Variants in SFXN5 observed in about 807,000 individuals in gnomAD.
The protein encoded by SFXN5 is sideroflexin-5.
A neutral mutation model predicts 50.2 loss-of-function variants in SFXN5; 43 were observed. The observed-to-expected ratio is 0.86, with a 90% confidence interval of 0.67 to 1.11. SFXN5 has a LOEUF of 1.11. Ranked by LOEUF, SFXN5 falls within the 50% of genes least tolerant of loss-of-function variation. The pLI is 0.00. For synonymous variants in SFXN5, 203 were observed against 185.8 expected, an observed-to-expected ratio of 1.09 and a Z score of -0.75; for missense variants, 463 against 454.1, an observed-to-expected ratio of 1.02 and a Z score of -0.18.
At chr2:73,033,058 G>T (rs1036237565) in intron 3 of SFXN5, among the ~76,000 whole-genome samples, 2 of 152,098 alleles carry the variant, frequency 1.3e-5, no homozygotes, top group Non-Finnish European at 2.9e-5. Flanking sequence ...TCCAGACCTG[G>T]GTTTAAATTC....
intron 1 of SFXN5, among the ~76,000 whole-genome samples, chr2:73,061,307 CAAAAAAAA>C (rs58591052): frequency 4.3e-4 from 31 of 71,722 alleles, no homozygotes; most frequent in South Asian, 3.3e-3. Flanking sequence ...GACTCTGTCT[CAAAAAAAA>C]AAAAAAAAAA....
intron 13 of SFXN5, among the ~76,000 whole-genome samples, chr2:72,959,610 C>CA (rs752627403): frequency 9.2e-5 from 14 of 152,152 alleles, no homozygotes; most frequent in Non-Finnish European, 2.1e-4. Flanking sequence ...ACCCTACCCC[C>CA]AGCAGCATTT....
At chr2:72,998,199 T>C (rs1213300088) in intron 9 of SFXN5, 1 of 151,754 alleles carries the variant, frequency 6.6e-6, no homozygotes, top group East Asian at 1.9e-4. Context: ...GCCATCCTAG[T>C]GGGGATCCAG....
chr2:73,042,890 A>G (rs1679833065), intron 2 of SFXN5, among the ~76,000 whole-genome samples: 1 of 151,124 alleles, frequency 6.6e-6, no homozygotes, highest in Admixed American at 6.6e-5. Flanking sequence ...TTGAGACAAA[A>G]CCCCATCTCT....
At chr2:73,055,568 G>A (rs1264122493) in intron 2 of SFXN5, among the ~76,000 whole-genome samples, 1 of 151,772 alleles carries the variant, frequency 6.6e-6, no homozygotes, top group African/African-American at 2.4e-5. Flanking sequence ...CTGGTAGGCT[G>A]AGAGGGGTGG....
chr2:73,065,801 C>T lies in SFXN5; in HGVS notation c.102+5803G>A, dbSNP rs972254617. On this transcript the variant is annotated intron_variant, in intron 1 of 13. Transcript: ENST00000272433. The stretch of plus-strand genomic sequence containing the variant: ...AACTCCTGTCATCAAGTGATCTGCC[C>T]GCCTTAGCCTCCCAAAGTGCTGGGA... Among the ~76,000 whole-genome samples, 9 of 152,060 alleles carry T rather than the reference C, an allele frequency of 5.9e-5. No individual in the cohort carries two copies. The South Asian group carries it at 6.2e-4, about 11-fold the overall frequency.
intron 6 of SFXN5, among the ~76,000 whole-genome samples, chr2:73,013,406 C>CGTGTGTGTGTGTGTGTGT (rs61590375): frequency 7.2e-6 from 1 of 139,718 alleles, no homozygotes; most frequent in African/African-American, 2.7e-5. Context: ...AGGGATATTT[C>CGTGTGTGTGTGTGTGTGT]GTGTGTGTGT....
chr2:73,069,075 T>TG (rs1559225787), intron 1 of SFXN5, among the ~76,000 whole-genome samples: 1 of 151,912 alleles, frequency 6.6e-6, no homozygotes. Context: ...GTCAGTGGGG[T>TG]GGGCCATGCA....
chr2:72,969,267 G>C (rs1674865860), intron 11 of SFXN5, among the ~76,000 whole-genome samples: 1 of 152,248 alleles, frequency 6.6e-6, no homozygotes, highest in Non-Finnish European at 1.5e-5. Flanking sequence ...AGTGTGCACA[G>C]GGGCTGGGGA....
intron 6 of SFXN5, among the ~76,000 whole-genome samples, chr2:73,010,276 G>A (rs1675332143): frequency 6.6e-6 from 1 of 152,196 alleles, no homozygotes; most frequent in African/African-American, 2.4e-5. Context: ...ATGTTGCATG[G>A]AAATTCCCAA....
intron 2 of SFXN5, among the ~76,000 whole-genome samples, chr2:73,045,646 A>G (rs1003248952): frequency 1.3e-5 from 2 of 151,986 alleles, no homozygotes; most frequent in African/African-American, 2.4e-5. Context: ...CACTGGGCCA[A>G]TCTTGCACCA....
At position 73,022,524 on chromosome 2, in the gene SFXN5, G is replaced by A. The variant is rs1226805438; in HGVS notation, c.329C>T (p.Ser110Leu). 2 of 1,608,980 alleles carry A rather than the reference G, an allele frequency of 1.2e-6. No individual in the cohort carries two copies. Among genetic ancestry groups the A allele is most frequent in the Admixed American group, 1.7e-5 (1 of 59,478 alleles). Residue 110 changes from serine (S) to leucine (L), a missense_variant and splice_region_variant, in exon 5 of 14, where the codon TCA becomes TTA. Coordinates refer to ENST00000272433, the MANE Select transcript of SFXN5 (RefSeq NM_144579.3). ...NEKIFMPFRM[S>L]GYIPFGTPIV... ...CCAGAAGGGCCCCAGGAGCTTACCTGACATTCTAAATGGCATGAAGATCTT... is the reference window on the plus strand; with the variant it reads ...CCAGAAGGGCCCCAGGAGCTTACCTAACATTCTAAATGGCATGAAGATCTT...
At chr2:72,970,054 A>G (rs1026902392) in intron 11 of SFXN5, among the ~76,000 whole-genome samples, 2 of 152,162 alleles carry the variant, frequency 1.3e-5, no homozygotes, top group African/African-American at 4.8e-5. Flanking sequence ...GCAAAGACCT[A>G]AGCAAGCCAG....
intron 9 of SFXN5, among the ~76,000 whole-genome samples, chr2:72,990,088 C>T (rs1672397114): frequency 6.6e-6 from 1 of 152,246 alleles, no homozygotes; most frequent in Non-Finnish European, 1.5e-5. Context: ...AGAAACAGCC[C>T]AGCCCAGGCT....
At chr2:72,969,778 C>T (rs910238401) in intron 11 of SFXN5, among the ~76,000 whole-genome samples, 1 of 151,482 alleles carries the variant, frequency 6.6e-6, no homozygotes, top group East Asian at 1.9e-4. Flanking sequence ...GAGTCTTTCT[C>T]AGTGACAAGA....
intron 9 of SFXN5, among the ~76,000 whole-genome samples, chr2:72,996,235 C>T (rs1673210887): frequency 1.3e-5 from 2 of 152,116 alleles, no homozygotes; most frequent in South Asian, 4.1e-4. Context: ...TCGAGGGGTG[C>T]TGGAGCTCAC....
chr2:72,956,311 G>A (rs1003061110), intron 13 of SFXN5, among the ~76,000 whole-genome samples: 22 of 152,202 alleles, frequency 1.4e-4, no homozygotes, highest in Admixed American at 1.2e-3. Flanking sequence ...TGGCCCTTTA[G>A]CCTCCCTCCA....
intron 6 of SFXN5, among the ~76,000 whole-genome samples, chr2:73,011,794 ATAT>A (rs1675537419): frequency 1.3e-5 from 2 of 152,246 alleles, no homozygotes; most frequent in African/African-American, 4.8e-5. Context: ...GCATGGAGAA[ATAT>A]AGTCTTTTTG....
At chr2:73,049,642 C>T (rs1574233819) in intron 2 of SFXN5, 1 of 152,196 alleles carries the variant, frequency 6.6e-6, no homozygotes, top group African/African-American at 2.4e-5. Context: ...CCTCTTAATA[C>T]TATCACATTT....
Sources: gnomAD v4.1 joint callset for allele counts (sites outside exome capture counted in the v4.1 genomes callset) on GRCh38, gnomAD v4.1.1 for gene constraint, MANE v1.5 for transcripts, NCBI Gene and HGNC (gene_info 2026-07-23, HGNC 2026-07-21) for gene names.